The following INPP5A variants were observed in gnomAD, a reference collection of about 807,000 sequenced individuals.
INPP5A encodes the protein inositol polyphosphate-5-phosphatase A.
A neutral mutation model predicts 65.2 loss-of-function variants in INPP5A; 14 were observed. The observed-to-expected ratio is 0.21, with a 90% CI of 0.14 to 0.34. INPP5A has a LOEUF of 0.34. Ranked by LOEUF, INPP5A falls within the 10% of genes least tolerant of loss-of-function variation. The probability of loss-of-function intolerance (pLI) is 1.00; values close to 1 mark genes in which losing one functional copy is unlikely to be tolerated. For missense variants in INPP5A, 431 were observed against 545.6 expected, an observed-to-expected ratio of 0.79 and a Z score of 2.09; for synonymous variants, 207 against 208.3, an observed-to-expected ratio of 0.99 and a Z score of 0.05.
At position 132,678,891 on chromosome 10, in the gene INPP5A, A is replaced by G. The variant is rs567893877; in HGVS notation, c.307-11501A>G. ...GCAGGGGGTCCATGTGAGAAGCTGG[A>G]AAAGGGGAGGCAGCAGAGGTACCCT... On this transcript the variant is annotated intron_variant, in intron 4 of 15. Coordinates refer to ENST00000368594, the MANE Select transcript of INPP5A (RefSeq NM_005539.5). The surrounding 1 kb of genome is among the most constrained non-coding windows in gnomAD (Gnocchi z 4.1). Among the ~76,000 whole-genome samples, 23 of 152,224 alleles carry G rather than the reference A, an allele frequency of 1.5e-4. No homozygotes were observed. Among genetic ancestry groups the G allele is most frequent in the African/African-American group, 5.3e-4 (22 of 41,532 alleles).
intron 9 of INPP5A, among the ~76,000 whole-genome samples, chr10:132,734,550 G>A (rs1292635099): frequency 1.3e-5 from 2 of 152,232 alleles, no homozygotes; most frequent in African/African-American, 2.4e-5. Flanking sequence ...TTCTGGGTGG[G>A]TGAGTGTCCC....
chr10:132,712,376 T>C (rs1488649420), intron 8 of INPP5A, among the ~76,000 whole-genome samples: 1 of 151,912 alleles, frequency 6.6e-6, no homozygotes, highest in Non-Finnish European at 1.5e-5. Context: ...TGTGCATGTG[T>C]GTGGATGCTT....
chr10:132,616,214 C>T lies in INPP5A; in HGVS notation c.117+8258C>T, dbSNP rs1333610641. Among the ~76,000 whole-genome samples, 1 of 152,216 alleles carries T rather than the reference C, an allele frequency of 6.6e-6. No individual in the cohort carries two copies. The highest frequency in any genetic ancestry group is 1.5e-5 in the Non-Finnish European group (1 of 68,030). On this transcript the variant is annotated intron_variant, in intron 2 of 15. Coordinates refer to ENST00000368594, the MANE Select transcript of INPP5A (RefSeq NM_005539.5). This position sits in a 1 kb window ranked among gnomAD's most constrained non-coding sequence, Gnocchi z 4.9. ...AGGCAGACGGGCCCTGAAAGAACCA[C>T]AGGGTGGCGTGGGAGGCAGCTGCAG...
intron 11 of INPP5A, among the ~76,000 whole-genome samples, chr10:132,764,326 CAG>C (rs1394556025): frequency 6.6e-6 from 1 of 152,074 alleles, no homozygotes; most frequent in Non-Finnish European, 1.5e-5. Context: ...TGAATAGCAC[CAG>C]AGAGGGTGTG....
At chr10:132,755,393 T>C (rs1318627437) in intron 11 of INPP5A, among the ~76,000 whole-genome samples, 2 of 149,806 alleles carry the variant, frequency 1.3e-5, no homozygotes, top group Non-Finnish European at 3.0e-5. Flanking sequence ...TGAGAGCAGG[T>C]GTGAGCGAGT....
chr10:132,591,547 A>G (rs1208453065), intron 1 of INPP5A, among the ~76,000 whole-genome samples: 2 of 152,246 alleles, frequency 1.3e-5, no homozygotes, highest in Admixed American at 6.5e-5. Context: ...ATGTTCACAT[A>G]TGCAAAAGGT....
Position 132,698,805 on chromosome 10 carries a change from C to A in INPP5A, c.474+886C>A, listed in dbSNP as rs879777921. ...GGCAGCCCCAAGAAGGATTGCTCTG[C>A]GGTCCTGTCTCCACGAGAGCTGTGC... On this transcript the variant is annotated intron_variant, in intron 6 of 15. Transcript: ENST00000368594. This position sits in a 1 kb window ranked among gnomAD's most constrained non-coding sequence, Gnocchi z 5.5. Among the ~76,000 whole-genome samples the A allele has an allele frequency of 6.6e-6, 1 of 152,254 alleles. No homozygotes were observed. Among genetic ancestry groups the A allele is most frequent in the Non-Finnish European group, 1.5e-5 (1 of 68,040 alleles).
At chr10:132,669,531 C>T (rs926719772) in intron 4 of INPP5A, among the ~76,000 whole-genome samples, 12 of 152,186 alleles carry the variant, frequency 7.9e-5, no homozygotes, top group Non-Finnish European at 1.6e-4. Flanking sequence ...GAGGAGGCCC[C>T]GTGTTCTCCT....
At chr10:132,742,632 G>A (rs2134621470) in intron 9 of INPP5A, among the ~76,000 whole-genome samples, 1 of 152,314 alleles carries the variant, frequency 6.6e-6, no homozygotes, top group Non-Finnish European at 1.5e-5. Context: ...TTGGAGACGG[G>A]CACAGCTTTC....
intron 4 of INPP5A, among the ~76,000 whole-genome samples, chr10:132,661,657 C>CT (rs139760942): frequency 0.015 from 2,193 of 148,268 alleles, 18 homozygotes; most frequent in Middle Eastern, 0.051. Flanking sequence ...TCTGAGCAGA[C>CT]TTTTTTTTTT....
Position 132,545,841 on chromosome 10 carries a change from C to T in INPP5A, c.75+7670C>T, listed in dbSNP as rs575767617. On this transcript the variant is annotated intron_variant, in intron 1 of 15. Coordinates refer to ENST00000368594, the MANE Select transcript of INPP5A (RefSeq NM_005539.5). This position sits in a 1 kb window ranked among gnomAD's most constrained non-coding sequence, Gnocchi z 4.6. ...TCCCCCTGCTTTGTGGAGCTCTGAG[C>T]GCTGGCTCCAGGCCGGCTTTCAGGA... Among the ~76,000 whole-genome samples the T allele has an allele frequency of 1.3e-5, 2 of 152,344 alleles. No individual in the cohort carries two copies. Among genetic ancestry groups the T allele is most frequent in the South Asian group, 2.1e-4 (1 of 4,830 alleles).
chr10:132,749,435 C>T, intron 9 of INPP5A, 82 bp from the exon 10 acceptor site: 1 of 1,268,612 alleles, frequency 7.9e-7, no homozygotes, highest in Non-Finnish European at 1.1e-6. Flanking sequence ...CCATCCTATC[C>T]CACTGACTCG....
chr10:132,769,805 C>T (rs982177228), intron 12 of INPP5A, among the ~76,000 whole-genome samples: 5 of 98,286 alleles, frequency 5.1e-5, no homozygotes, highest in Non-Finnish European at 7.9e-5. Flanking sequence ...GTAGCTCCCC[C>T]CCCCCAAGTT....
At chr10:132,735,494 C>G (rs547335243) in intron 9 of INPP5A, among the ~76,000 whole-genome samples, 1 of 152,202 alleles carries the variant, frequency 6.6e-6, no homozygotes, top group African/African-American at 2.4e-5. Flanking sequence ...GGTGTTGGTA[C>G]GAAGGGACAC....
rs557101100 is a variant in INPP5A, at chr10:132,703,609, G to A, written c.475-4704G>A. On this transcript the variant is annotated intron_variant, in intron 6 of 15. Transcript: ENST00000368594. ...CACACACATGGCTTCACACACACAC[G>A]CACAGCTTCTGCCCCCCAACACACG... 5.8e-5 allele frequency among the ~76,000 whole-genome samples: 7 copies of A among 120,952 alleles called. No homozygotes were observed. In the East Asian group the frequency reaches 1.0e-3, roughly 18 times the overall value. 79.3% of individuals were successfully genotyped at this position (120,952 alleles called of 152,430 possible). A position where few individuals can be genotyped will look rare whatever the true frequency, so the allele number is the denominator to read the frequency against.
At chr10:132,730,976 G>T (rs1025579783) in intron 9 of INPP5A, among the ~76,000 whole-genome samples, 1 of 152,202 alleles carries the variant, frequency 6.6e-6, no homozygotes, top group Non-Finnish European at 1.5e-5. Flanking sequence ...CAGTGCAGGG[G>T]CTACCACGGG....
chr10:132,608,051 A>C, intron 2 of INPP5A, 95 bp downstream of exon 2: 5 of 1,146,006 alleles, frequency 4.4e-6, no homozygotes, highest in Non-Finnish European at 6.5e-6. Context: ...TGGTGTGTCT[A>C]TGGGGAGCGC....
At chr10:132,767,664 C>T (rs1044064130) in intron 12 of INPP5A, among the ~76,000 whole-genome samples, 2 of 152,204 alleles carry the variant, frequency 1.3e-5, no homozygotes, top group African/African-American at 4.8e-5. Context: ...GCTAGACACA[C>T]GGGCCCCCAG....
intron 8 of INPP5A, among the ~76,000 whole-genome samples, chr10:132,721,844 C>T (rs1324835378): frequency 6.6e-6 from 1 of 152,086 alleles, no homozygotes; most frequent in East Asian, 1.9e-4. Flanking sequence ...GCTGTCTTGC[C>T]TGCGTCTGTG....
Sources: gnomAD v4.1 joint callset for allele counts (sites outside exome capture counted in the v4.1 genomes callset) on GRCh38, gnomAD v4.1.1 for gene constraint, Gnocchi (gnomAD v3.1) non-coding constraint, MANE v1.5 for transcripts, NCBI Gene and HGNC (gene_info 2026-07-23, HGNC 2026-07-21) for gene names.